Variants in SYTL3 observed in about 807,000 individuals in gnomAD.
SYTL3 encodes synaptotagmin-like protein 3.
A neutral mutation model predicts 82.1 loss-of-function variants in SYTL3; 88 were observed. The ratio of observed to expected loss-of-function variants is 1.07; its 90% CI spans 0.90 to 1.28. The LOEUF is 1.28. Ranked by LOEUF, SYTL3 falls within the 50% of genes most tolerant of loss-of-function variation. SYTL3 has a pLI of 0.00. For missense variants in SYTL3, 831 were observed against 757.6 expected (o/e 1.10, Z -1.14); for synonymous variants, 311 against 289.4 (o/e 1.07, Z -0.76).
chr6:158,759,514 G>A (rs954835143), intron 14 of SYTL3, among the ~76,000 whole-genome samples: 6 of 152,138 alleles, frequency 3.9e-5, no homozygotes, highest in Admixed American at 2.0e-4. Context: ...CCTGCAGCCC[G>A]GGACGGCTCT....
At chr6:158,689,549 C>T (rs1157233646) in intron 6 of SYTL3, among the ~76,000 whole-genome samples, 1 of 152,112 alleles carries the variant, frequency 6.6e-6, no homozygotes, top group East Asian at 1.9e-4. Context: ...AGGCAAATCT[C>T]CTTTTCCCGT....
chr6:158,709,587 A>G (rs1782533743), intron 8 of SYTL3, among the ~76,000 whole-genome samples: 1 of 152,166 alleles, frequency 6.6e-6, no homozygotes, highest in South Asian at 2.1e-4. Flanking sequence ...GGAAAACCGT[A>G]AAGTGCCATG....
intron 6 of SYTL3, among the ~76,000 whole-genome samples, chr6:158,690,221 A>G (rs1189696160): frequency 1.3e-5 from 2 of 152,242 alleles, no homozygotes; most frequent in Non-Finnish European, 2.9e-5. Context: ...AGCAGGAGCT[A>G]TGAGTAAAGG....
intron 4 of SYTL3, among the ~76,000 whole-genome samples, chr6:158,664,796 A>G (rs977936700): frequency 9.2e-5 from 14 of 152,202 alleles, no homozygotes; most frequent in African/African-American, 3.1e-4. Context: ...ACAAGTAGGT[A>G]TCACAGACAT....
chr6:158,690,248 A>T (rs979851267), intron 6 of SYTL3, among the ~76,000 whole-genome samples: 2 of 152,364 alleles, frequency 1.3e-5, no homozygotes. Flanking sequence ...TGAATAAATA[A>T]ATTGAGCAGG....
At chr6:158,694,508 T>A (rs927683158) in intron 6 of SYTL3, among the ~76,000 whole-genome samples, 1 of 152,042 alleles carries the variant, frequency 6.6e-6, no homozygotes, top group Admixed American at 6.5e-5. Context: ...TTGCCCAGGC[T>A]GGTCCTGAAC....
At chr6:158,691,722 G>T (rs557726893) in intron 6 of SYTL3, among the ~76,000 whole-genome samples, 14 of 151,398 alleles carry the variant, frequency 9.2e-5, no homozygotes, top group South Asian at 4.2e-4. Flanking sequence ...TGTGATCTCG[G>T]CTCTCTGCAA....
At chr6:158,760,176 A>AC (rs1554267423) in intron 14 of SYTL3, among the ~76,000 whole-genome samples, 3 of 150,772 alleles carry the variant, frequency 2.0e-5, no homozygotes, top group South Asian at 2.1e-4. Context: ...CTGAGGGGCC[A>AC]CCCCCTGTGG....
At chr6:158,730,558 G>A (rs943572874) in intron 11 of SYTL3, among the ~76,000 whole-genome samples, 4 of 152,182 alleles carry the variant, frequency 2.6e-5, no homozygotes, top group African/African-American at 9.7e-5. Context: ...CTGCCTCGTT[G>A]CGGTGGCCTC....
At chr6:158,699,793 C>T (rs1780967001) in intron 6 of SYTL3, among the ~76,000 whole-genome samples, 1 of 150,890 alleles carries the variant, frequency 6.6e-6, no homozygotes, top group Admixed American at 6.6e-5. Flanking sequence ...ACTAAAAATA[C>T]AAAAATTAGC....
chr6:158,763,354 T>C lies in SYTL3; in HGVS notation c.1568T>C (p.Leu523Pro), dbSNP rs1375455326. The change falls in exon 17 of 18, where the codon CTG (leucine) becomes CCG (proline). Residue 523 changes from leucine (L) to proline (P), a missense_variant. Coordinates refer to ENST00000611299, the MANE Select transcript of SYTL3 (RefSeq NM_001242394.2). ...QQKLRLKSPV[L>P]RKQACPQWKH... ...AAACTGAGACTGAAGTCGCCAGTCC[T>C]GAGGAAGCAGGCTTGCCCCCAGTGG... 2 of 1,614,128 alleles carry C rather than the reference T, an allele frequency of 1.2e-6. No homozygotes were observed. Among genetic ancestry groups the C allele is most frequent in the East Asian group, 4.5e-5 (2 of 44,900 alleles).
chr6:158,725,789 T>TA (rs1784659255), intron 11 of SYTL3, 152 bp downstream of exon 11: 2 of 1,073,806 alleles, frequency 1.9e-6, no homozygotes, highest in Non-Finnish European at 2.7e-6. Context: ...TTCCATTCCT[T>TA]AAAGGCTTCC....
intron 6 of SYTL3, 34 bp downstream of exon 6, chr6:158,683,023 T>A: frequency 6.9e-7 from 1 of 1,456,778 alleles, no homozygotes; most frequent in Non-Finnish European, 9.6e-7. Context: ...TAAAGTAAAA[T>A]GATCTATTCC....
rs146377895 is a variant in SYTL3, at chr6:158,741,506, C to G, written c.856-3974C>G. On this transcript the variant is annotated intron_variant, in intron 11 of 17. Coordinates refer to ENST00000611299, the MANE Select transcript of SYTL3 (RefSeq NM_001242394.2). ...GCATCTCATCAATTTGTTGAGCATACTTCTCAGATGTAATGGTTTCGCTGG... is the reference window on the plus strand; with the variant it reads ...GCATCTCATCAATTTGTTGAGCATAGTTCTCAGATGTAATGGTTTCGCTGG... Among the ~76,000 whole-genome samples, 502 of 152,314 alleles carry G rather than the reference C, an allele frequency of 3.3e-3. 12 individuals are homozygous for G. The highest frequency in any genetic ancestry group is 0.028 in the Admixed American group (435 of 15,296).
rs575575285 is a variant in SYTL3, at chr6:158,700,256, CATAA to C, written c.395-6960_395-6957del. ...GGGCAACAAGAGCGAAACTCTGTCT[CATAA>C]ATAAATAAATAAACAAATAAACAAA... On this transcript the variant is annotated intron_variant, in intron 6 of 17. Coordinates refer to ENST00000611299, the MANE Select transcript of SYTL3 (RefSeq NM_001242394.2). Among the ~76,000 whole-genome samples the C allele has an allele frequency of 5.7e-4, 87 of 152,112 alleles. No homozygotes were observed. The South Asian group carries it at 5.8e-3, about 10-fold the overall frequency.
intron 4 of SYTL3, chr6:158,663,686 G>A (rs1363212618): frequency 2.4e-6 from 2 of 839,322 alleles, no homozygotes; most frequent in Non-Finnish European, 2.9e-6. Flanking sequence ...TCATTCAAGG[G>A]ACATTTTCAG....
chr6:158,649,707 C>T (rs9346761), upstream of SYTL3, among the ~76,000 whole-genome samples: 1 of 152,094 alleles, frequency 6.6e-6, no homozygotes, highest in Admixed American at 6.5e-5. Flanking sequence ...GTCATTTACA[C>T]TGAAGTCAAT....
intron 8 of SYTL3, among the ~76,000 whole-genome samples, chr6:158,712,996 G>A (rs533993531): frequency 9.2e-5 from 14 of 152,034 alleles, no homozygotes; most frequent in Admixed American, 2.6e-4. Context: ...TCCTGACCTC[G>A]TGATCCGCCC....
At chr6:158,668,725 A>T (rs1448914799) in intron 5 of SYTL3, among the ~76,000 whole-genome samples, 2 of 152,172 alleles carry the variant, frequency 1.3e-5, no homozygotes, top group Non-Finnish European at 2.9e-5. Flanking sequence ...CCGAGGGAGG[A>T]GGCTGGTGGC....
Sources: allele counts gnomAD v4.1 joint callset (sites outside exome capture counted in the v4.1 genomes callset), GRCh38; gene constraint gnomAD v4.1.1; transcripts MANE v1.5; gene names NCBI Gene and HGNC (gene_info 2026-07-23, HGNC 2026-07-21).